Variants in RBFOX1 observed in about 807,000 individuals in gnomAD.
RBFOX1 encodes RNA binding fox-1 homolog 1, also known as RNA binding protein fox-1 homolog 1.
A neutral mutation model predicts 57.7 loss-of-function variants in RBFOX1; 8 were observed. The observed-to-expected ratio is 0.14, with a 90% CI of 0.08 to 0.25. The LOEUF (loss-of-function observed/expected upper bound fraction) is 0.25, where lower values mean the gene tolerates loss of function less well. Ranked by LOEUF, RBFOX1 falls within the 10% of genes least tolerant of loss-of-function variation. The pLI is 1.00. For synonymous variants in RBFOX1, 326 were observed against 222.4 expected (o/e 1.47, Z -4.15); for missense variants, 611 against 548.5 (o/e 1.11, Z -1.14).
chr16:7,088,931 C>T (rs1411221928), intron 4 of RBFOX1, among the ~76,000 whole-genome samples: 2 of 152,194 alleles, frequency 1.3e-5, no homozygotes, highest in African/African-American at 2.4e-5. Context: ...CCTCCAGTCC[C>T]TGCTCTGGTT....
At chr16:7,477,948 C>T (rs529606241) in intron 4 of RBFOX1, among the ~76,000 whole-genome samples, 2 of 152,242 alleles carry the variant, frequency 1.3e-5, no homozygotes, top group South Asian at 4.2e-4. Context: ...CTTTGCACTC[C>T]CACACATAAT....
At chr16:6,155,787 GT>G (rs367570235) in intron 1 of RBFOX1, among the ~76,000 whole-genome samples, 1 of 151,184 alleles carries the variant, frequency 6.6e-6, no homozygotes. Context: ...CTGTGGCAAT[GT>G]TTTTTTTTGG....
chr16:5,361,391 G>T (rs1208681587), intron 1 of RBFOX1, among the ~76,000 whole-genome samples: 1 of 152,180 alleles, frequency 6.6e-6, no homozygotes, highest in Non-Finnish European at 1.5e-5. Flanking sequence ...AACAGCACCG[G>T]AGATATCACT....
At position 6,819,727 on chromosome 16, in the gene RBFOX1, A is replaced by AG. The variant is rs1029839066; in HGVS notation, c.-16+165077_-16+165078insG. Among the ~76,000 whole-genome samples the AG allele has an allele frequency of 2.8e-5, 3 of 106,148 alleles. 1 individual carries two copies. Among genetic ancestry groups the AG allele is most frequent in the Non-Finnish European group, 4.3e-5 (2 of 47,056 alleles). 69.6% of individuals were successfully genotyped at this position (106,148 alleles called of 152,430 possible). ...ACTCAAAAAAAAAAAAAAAAAAAAA[A>AG]AAAATAACAACACCAAAAGGTATAT... On this transcript the variant is annotated intron_variant, in intron 3 of 15. Transcript: ENST00000550418.
Position 6,738,365 on chromosome 16 carries a change from C to T in RBFOX1, c.-16+83715C>T, listed in dbSNP as rs140107363. ...TATTGAGGAAGTGGAACTGAGGGTCCGGGGAGCAAGGCACCTGTCATTCTG... is the reference window on the plus strand; with the variant it reads ...TATTGAGGAAGTGGAACTGAGGGTCTGGGGAGCAAGGCACCTGTCATTCTG... On this transcript the variant is annotated intron_variant, in intron 3 of 15. Transcript: ENST00000550418. Among the ~76,000 whole-genome samples, 12 of 152,030 alleles carry T rather than the reference C, an allele frequency of 7.9e-5. 1 individual carries two copies. The South Asian group carries it at 1.2e-3, about 16-fold the overall frequency.
intron 3 of RBFOX1, among the ~76,000 whole-genome samples, chr16:6,846,742 AC>A (rs1294564493): frequency 1.3e-5 from 2 of 152,198 alleles, no homozygotes; most frequent in East Asian, 3.9e-4. Flanking sequence ...TGATCTGCTA[AC>A]AAAATTAGGT....
At chr16:5,849,213 CT>C (rs2056830398) in intron 3 of RBFOX1, among the ~76,000 whole-genome samples, 1 of 152,018 alleles carries the variant, frequency 6.6e-6, no homozygotes, top group Non-Finnish European at 1.5e-5. Context: ...ACTCATATTT[CT>C]AATTTTATTT....
rs188069823 is a variant in RBFOX1, at chr16:7,200,027, G to C, written c.27+147929G>C. 3.9e-5 allele frequency among the ~76,000 whole-genome samples: 6 copies of C among 152,352 alleles called. No individual in the cohort carries two copies. In the East Asian group the frequency reaches 1.2e-3, roughly 29 times the overall value. ...GAATGTGGATAGTCACAATCATAGA[G>C]CCAGATTTCTGGGAAATTCTAGAGT... On this transcript the variant is annotated intron_variant, in intron 4 of 15. Coordinates refer to ENST00000550418, the MANE Select transcript of RBFOX1 (RefSeq NM_018723.4).
intron 4 of RBFOX1, among the ~76,000 whole-genome samples, chr16:7,273,280 C>T (rs2095374473): frequency 1.5e-5 from 2 of 129,352 alleles, no homozygotes; most frequent in Admixed American, 9.4e-5. Context: ...CTCTTTTTCT[C>T]ATCTATGAGC....
intron 1 of RBFOX1, among the ~76,000 whole-genome samples, chr16:6,161,399 A>T (rs1197278120): frequency 6.6e-6 from 1 of 152,018 alleles, no homozygotes; most frequent in East Asian, 1.9e-4. Flanking sequence ...AAAAAAAAAA[A>T]AAAAAAGGAT....
chr16:7,209,691 C>T (rs762924306), intron 4 of RBFOX1, among the ~76,000 whole-genome samples: 1 of 152,200 alleles, frequency 6.6e-6, no homozygotes, highest in East Asian at 1.9e-4. Flanking sequence ...ATTTGGTTTG[C>T]TGGTTCCCTA....
intron 2 of RBFOX1, among the ~76,000 whole-genome samples, chr16:5,519,336 C>T (rs894145274): frequency 2.0e-5 from 3 of 152,164 alleles, no homozygotes; most frequent in Non-Finnish European, 4.4e-5. Flanking sequence ...TCCTGACTAA[C>T]CTTCTCTGAG....
At chr16:7,643,676 C>T (rs1357816198) in intron 11 of RBFOX1, among the ~76,000 whole-genome samples, 3 of 152,170 alleles carry the variant, frequency 2.0e-5, no homozygotes, top group Non-Finnish European at 4.4e-5. Context: ...CACAACCTCC[C>T]CCTCACATCG....
chr16:7,398,580 AC>A (rs1413625052), intron 4 of RBFOX1, among the ~76,000 whole-genome samples: 1 of 152,238 alleles, frequency 6.6e-6, no homozygotes, highest in East Asian at 1.9e-4. Context: ...CCCCAGTGTG[AC>A]AAATGCCACC....
rs117173031 is a variant in RBFOX1 at position 5,517,640 on chromosome 16, G to A, written c.258+50386G>A. Among the ~76,000 whole-genome samples, 1,185 of 152,226 alleles carry A rather than the reference G, an allele frequency of 7.8e-3. 8 individuals are homozygous for A. Among genetic ancestry groups the A allele is most frequent in the Middle Eastern group, 0.014 (4 of 294 alleles). ...TGTGTGATTGAGGAAATAATGTTTG[G>A]CATCTCAAATAGATTGGGCTTTCTA... On this transcript the variant is annotated intron_variant, in intron 2 of 2. Transcript: ENST00000585867.
chr16:6,997,458 G>C (rs1003583622), intron 3 of RBFOX1, among the ~76,000 whole-genome samples: 3 of 152,120 alleles, frequency 2.0e-5, no homozygotes, highest in Non-Finnish European at 2.9e-5. Context: ...CATTGCACCA[G>C]CAATAAACTT....
At chr16:6,222,671 A>C (rs534536435) in intron 1 of RBFOX1, among the ~76,000 whole-genome samples, 1 of 136,028 alleles carries the variant, frequency 7.4e-6, no homozygotes, top group East Asian at 2.2e-4. Context: ...AGAATGTAAG[A>C]ATTTTCTTTT....
At chr16:5,504,493 C>G (rs911683471) in intron 2 of RBFOX1, among the ~76,000 whole-genome samples, 6 of 152,260 alleles carry the variant, frequency 3.9e-5, no homozygotes, top group Admixed American at 6.5e-5. Context: ...ACTGTCCACA[C>G]ACGCACGATC....
intron 1 of RBFOX1, among the ~76,000 whole-genome samples, chr16:5,463,600 G>T (rs550331027): frequency 4.1e-4 from 63 of 152,178 alleles, no homozygotes; most frequent in Non-Finnish European, 2.2e-4. Context: ...AGGAGTTTGA[G>T]ATCAGTCTGG....
Sources: allele counts gnomAD v4.1 joint callset (sites outside exome capture counted in the v4.1 genomes callset), GRCh38; gene constraint gnomAD v4.1.1; transcripts MANE v1.5; gene names NCBI Gene and HGNC (gene_info 2026-07-23, HGNC 2026-07-21).